The following IFT27 variants were observed in gnomAD, a reference collection of about 807,000 sequenced individuals.
IFT27 encodes the protein intraflagellar transport protein 27 homolog.
A neutral mutation model predicts 23.9 loss-of-function variants in IFT27; 19 were observed. That is an observed-to-expected ratio of 0.79 (90% CI 0.55 to 1.16). IFT27 has a LOEUF of 1.16. Among genes scored for constraint, IFT27 ranks in the 50% most tolerant of loss-of-function variants. The pLI, the probability that IFT27 is intolerant of heterozygous loss-of-function variation, is 0.00. For missense variants in IFT27, 206 were observed against 228.7 expected, an observed-to-expected ratio of 0.90 and a Z score of 0.64; for synonymous variants, 91 against 89.1, an observed-to-expected ratio of 1.02 and a Z score of -0.12.
At position 36,758,419 on chromosome 22, in the gene IFT27, CAGTTTAAA is replaced by C. The variant is rs1937990404; in HGVS notation, c.463-18_463-11del. ...AGTTTTCCATCTCTTTCTGGAAAGACAGTTTAAAAAGTTGGCTGTGTTCTTTTAGAAGG... is the reference window on the plus strand; with the variant it reads ...AGTTTTCCATCTCTTTCTGGAAAGACAAGTTGGCTGTGTTCTTTTAGAAGG... On this transcript the variant is annotated splice_polypyrimidine_tract_variant and intron_variant, in intron 6 of 6. Transcript: ENST00000433985. 2 of 1,609,972 alleles carry C rather than the reference CAGTTTAAA, an allele frequency of 1.2e-6. No individual in the cohort carries two copies. Among genetic ancestry groups the C allele is most frequent in the Non-Finnish European group, 8.5e-7 (1 of 1,176,650 alleles).
chr22:36,775,418 G>C (rs112800518), intron 1 of IFT27, among the ~76,000 whole-genome samples: 30 of 152,170 alleles, frequency 2.0e-4, no homozygotes, highest in Non-Finnish European at 3.4e-4. Flanking sequence ...ATTTTTTAAC[G>C]AGTCACCTCA....
intron 1 of IFT27, among the ~76,000 whole-genome samples, chr22:36,770,574 C>T (rs1313477612): frequency 6.6e-6 from 1 of 152,228 alleles, no homozygotes; most frequent in Non-Finnish European, 1.5e-5. Context: ...AGCCAAGCTC[C>T]GTCATGCCCT....
intron 6 of IFT27, chr22:36,760,531 G>A (rs1311579596): frequency 6.6e-6 from 1 of 152,224 alleles, no homozygotes; most frequent in Non-Finnish European, 1.5e-5. Context: ...CTCAGGGCAG[G>A]TTCAGGCTAG....
At chr22:36,772,379 G>T in intron 1 of IFT27, 1 of 446,418 alleles carries the variant, frequency 2.2e-6, no homozygotes, top group Non-Finnish European at 3.0e-6. Flanking sequence ...TATAACCTAA[G>T]ATAATCATAG....
chr22:36,773,874 G>A (rs1018569894), intron 1 of IFT27, among the ~76,000 whole-genome samples: 12 of 152,128 alleles, frequency 7.9e-5, no homozygotes, highest in African/African-American at 2.9e-4. Flanking sequence ...CCACAGGGTT[G>A]CTATGAGGAT....
intron 4 of IFT27, among the ~76,000 whole-genome samples, chr22:36,764,969 T>C (rs917332296): frequency 1.3e-4 from 20 of 152,182 alleles, no homozygotes; most frequent in Admixed American, 1.3e-3. Flanking sequence ...AAGAGAATCC[T>C]TTTCCCTCCA....
chr22:36,770,779 C>G (rs1203857169), intron 1 of IFT27, among the ~76,000 whole-genome samples: 2 of 152,204 alleles, frequency 1.3e-5, no homozygotes, highest in Non-Finnish European at 2.9e-5. Flanking sequence ...CCTGCTGACC[C>G]TGCCCCAGTT....
In IFT27 at chr22:36,776,073, C is replaced by T. The variant is rs1025266272; in HGVS notation, c.-366G>A. 11 of 323,226 alleles carry T rather than the reference C, an allele frequency of 3.4e-5. No individual in the cohort carries two copies. The South Asian group carries it at 4.8e-4, about 14-fold the overall frequency. 20.0% of individuals were successfully genotyped at this position (323,226 alleles called of 1,614,324 possible). A position where few individuals can be genotyped will look rare whatever the true frequency, so the allele number is the denominator to read the frequency against. ...GGACGATCCGGCTCTCCTCCGATCACAAGTACCGGGCCGGATGCACTCTCC... is the reference window on the plus strand; with the variant it reads ...GGACGATCCGGCTCTCCTCCGATCATAAGTACCGGGCCGGATGCACTCTCC... On this transcript the variant is annotated 5_prime_UTR_variant, in exon 1 of 7. In the 5' UTR this introduces an upstream ATG that the reference lacks. Coordinates refer to ENST00000433985, the MANE Select transcript of IFT27 (RefSeq NM_001177701.3).
rs754110624 is a variant in IFT27 at position 36,758,314 on chromosome 22, T to G, written c.558A>C (p.Ala186=). 12 of 1,613,454 alleles carry G rather than the reference T, an allele frequency of 7.4e-6. No homozygotes were observed. The highest frequency in any genetic ancestry group is 1.0e-5 in the Non-Finnish European group (12 of 1,179,444). Residue 186 remains alanine, a synonymous_variant, in exon 7 of 7, where the codon GCA becomes GCC. Transcript: ENST00000433985. The part of the protein sequence containing the change: ...REKVEVFRAL[A] ...CAGCACGATCTGCTCCAGCTCGTCA[T>G]GCCAGGGCCCGGAAAACCTCCACCT...
chr22:36,764,203 G>A (rs756367072), intron 4 of IFT27, among the ~76,000 whole-genome samples, 167 bp from the exon 5 acceptor site: 5 of 152,272 alleles, frequency 3.3e-5, no homozygotes, highest in African/African-American at 4.8e-5. Context: ...AGGAATGAAC[G>A]GAGGGCCACG....
intron 1 of IFT27, chr22:36,772,674 A>G: frequency 4.1e-6 from 4 of 985,232 alleles, no homozygotes; most frequent in Non-Finnish European, 4.8e-6. Flanking sequence ...TTGCAGGCCC[A>G]CTGCACCTTG....
intron 1 of IFT27, 112 bp downstream of exon 1, chr22:36,775,562 G>T: frequency 1.8e-6 from 2 of 1,130,762 alleles, no homozygotes; most frequent in Non-Finnish European, 2.7e-6. Context: ...ACTCGCCTTT[G>T]GGAGAGAGAA....
intron 1 of IFT27, chr22:36,772,257 T>C (rs1938400900): frequency 6.5e-6 from 1 of 153,164 alleles, no homozygotes; most frequent in Non-Finnish European, 1.5e-5. Flanking sequence ...AGAGGCAGCA[T>C]ATTATGGTAC....
At chr22:36,765,641 T>A (rs1938225791) in intron 4 of IFT27, among the ~76,000 whole-genome samples, 1 of 152,070 alleles carries the variant, frequency 6.6e-6, no homozygotes, top group Non-Finnish European at 1.5e-5. Flanking sequence ...AGCAAGTGGA[T>A]CCTGCGAGGC....
Position 36,758,337 on chromosome 22 carries a change from C to G in IFT27, c.535G>C (p.Val179Leu), listed in dbSNP as rs772206857. The G allele has an allele frequency of 6.2e-7, 1 of 1,614,066 alleles. No individual in the cohort carries two copies. Among genetic ancestry groups the G allele is most frequent in the African/African-American group, 1.3e-5 (1 of 74,936 alleles). ...KQFHQLYREK[V>L]EVFRALA is the part of the protein sequence containing the mutation. ...CATGCCAGGGCCCGGAAAACCTCCA[C>G]CTTCTCCCGGTACAGCTGGTGGAAC... The change falls in exon 7 of 7, where the codon GTG becomes CTG. Residue 179 changes from valine to leucine, a missense_variant. Val to Leu is a conservative substitution (Grantham distance 32, BLOSUM62 1). Coordinates refer to ENST00000433985, the MANE Select transcript of IFT27 (RefSeq NM_001177701.3).
At chr22:36,759,784 C>T (rs1163180661) in intron 6 of IFT27, 1 of 152,254 alleles carries the variant, frequency 6.6e-6, no homozygotes, top group African/African-American at 2.4e-5. Flanking sequence ...CTTCGCTTCA[C>T]AGATGAGTAG....
intron 1 of IFT27, among the ~76,000 whole-genome samples, chr22:36,769,523 G>A (rs958087916): frequency 2.6e-5 from 4 of 152,130 alleles, no homozygotes; most frequent in African/African-American, 9.7e-5. Flanking sequence ...ACCAGCTAAT[G>A]TTTGTATTTT....
intron 4 of IFT27, among the ~76,000 whole-genome samples, chr22:36,765,844 G>T (rs1054715716): frequency 2.6e-5 from 4 of 152,186 alleles, no homozygotes; most frequent in African/African-American, 9.6e-5. Context: ...GGACAGTGTT[G>T]CTCTAAAGAA....
At chr22:36,767,682 A>T in intron 2 of IFT27, 101 bp downstream of exon 2, 1 of 1,073,016 alleles carries the variant, frequency 9.3e-7, no homozygotes. Context: ...GCCTTTCATC[A>T]GCTGTCTTAA....
Sources: gnomAD v4.1 joint callset for allele counts (sites outside exome capture counted in the v4.1 genomes callset) on GRCh38, gnomAD v4.1.1 for gene constraint, MANE v1.5 for transcripts, NCBI Gene and HGNC (gene_info 2026-07-23, HGNC 2026-07-21) for gene names.